Variants in SLC25A26 observed in about 807,000 individuals in gnomAD.
The protein encoded by SLC25A26 is mitochondrial S-adenosylmethionine carrier protein.
SLC25A26 carries 36 observed loss-of-function variants against 37.8 expected under a neutral mutation model. The observed-to-expected ratio is 0.95, with a 90% CI of 0.73 to 1.26. The LOEUF (loss-of-function observed/expected upper bound fraction) is 1.26. Ranked by LOEUF, SLC25A26 falls within the 50% of genes most tolerant of loss-of-function variation. SLC25A26 has a pLI of 0.00. For synonymous variants in SLC25A26, 129 were observed against 122.5 expected (o/e 1.05, Z -0.35); for missense variants, 390 against 331.1 (o/e 1.18, Z -1.38).
chr3:66,340,921 A>G (rs1156894394), intron 5 of SLC25A26, among the ~76,000 whole-genome samples: 2 of 151,902 alleles, frequency 1.3e-5, no homozygotes, highest in African/African-American at 4.8e-5. Context: ...ATTTGCTGCT[A>G]CTATTTAGAA....
At chr3:66,312,949 A>G (rs2075425538) in intron 5 of SLC25A26, among the ~76,000 whole-genome samples, 1 of 152,140 alleles carries the variant, frequency 6.6e-6, no homozygotes. Context: ...CTATTCAGCC[A>G]TCTTGCCAGA....
chr3:66,367,701 CAG>C (rs567876732), intron 7 of SLC25A26, among the ~76,000 whole-genome samples: 14,259 of 148,778 alleles, frequency 0.096, 2,069 homozygotes, highest in African/African-American at 0.33. Flanking sequence ...GACAGACAGA[CAG>C]ACACAGAGAG....
At chr3:66,302,002 A>G (rs1296063540) in intron 5 of SLC25A26, among the ~76,000 whole-genome samples, 1 of 152,200 alleles carries the variant, frequency 6.6e-6, no homozygotes, top group South Asian at 2.1e-4. Flanking sequence ...TGCCTGAAAT[A>G]CAGTCCTATA....
intron 5 of SLC25A26, among the ~76,000 whole-genome samples, chr3:66,298,604 A>G (rs1320104552): frequency 1.3e-5 from 2 of 152,232 alleles, no homozygotes; most frequent in Non-Finnish European, 2.9e-5. Flanking sequence ...GGGGCACAGC[A>G]GCCTCTGCTG....
At chr3:66,237,633 C>T (rs1295642858) in intron 2 of SLC25A26, among the ~76,000 whole-genome samples, 1 of 152,220 alleles carries the variant, frequency 6.6e-6, no homozygotes, top group Admixed American at 6.5e-5. Context: ...GACGCTCTTA[C>T]TCTTTAGTCA....
intron 1 of SLC25A26, among the ~76,000 whole-genome samples, chr3:66,173,678 G>A (rs941474575): frequency 6.6e-6 from 1 of 152,170 alleles, no homozygotes; most frequent in Non-Finnish European, 1.5e-5. Flanking sequence ...GGTTAAAATG[G>A]AGTGAGTTTT....
In SLC25A26 at chr3:66,278,604, C is replaced by T. The variant is rs185803121; in HGVS notation, c.453+15225C>T. Among the ~76,000 whole-genome samples, 24 of 152,186 alleles carry T rather than the reference C, an allele frequency of 1.6e-4. No individual in the cohort carries two copies. The East Asian group carries it at 3.7e-3, about 23-fold the overall frequency. ...ATTAAGCTCACATTATGTTCTTCCCCAACCCTGTCTCATCCTAGCATTCCA... is the reference window on the plus strand; with the variant it reads ...ATTAAGCTCACATTATGTTCTTCCCTAACCCTGTCTCATCCTAGCATTCCA... On this transcript the variant is annotated intron_variant, in intron 5 of 9. Coordinates refer to ENST00000354883, the MANE Select transcript of SLC25A26 (RefSeq NM_001379210.1).
chr3:66,248,799 C>A (rs782774071), intron 3 of SLC25A26, among the ~76,000 whole-genome samples: 30 of 152,182 alleles, frequency 2.0e-4, no homozygotes, highest in Non-Finnish European at 3.8e-4. Context: ...AACAGTACTT[C>A]CCCAAGAAGG....
intron 6 of SLC25A26, among the ~76,000 whole-genome samples, chr3:66,359,892 A>G (rs1029070591): frequency 2.0e-5 from 3 of 152,226 alleles, no homozygotes; most frequent in African/African-American, 7.2e-5. Context: ...TTTCACAAGT[A>G]AGGTGATAAA....
At chr3:66,350,685 C>A (rs1236893178) in intron 6 of SLC25A26, among the ~76,000 whole-genome samples, 2 of 141,940 alleles carry the variant, frequency 1.4e-5, no homozygotes, top group Non-Finnish European at 3.0e-5. Context: ...AGCTTCTGCC[C>A]TATACTCTGT....
At chr3:66,345,435 T>A (rs1247580677) in intron 5 of SLC25A26, among the ~76,000 whole-genome samples, 1 of 151,720 alleles carries the variant, frequency 6.6e-6, no homozygotes, top group Non-Finnish European at 1.5e-5. Flanking sequence ...CTCCCTCCTC[T>A]TTTCTCCCTC....
intron 1 of SLC25A26, among the ~76,000 whole-genome samples, chr3:66,142,755 T>G (rs1324673064): frequency 6.6e-6 from 1 of 152,152 alleles, no homozygotes; most frequent in Non-Finnish European, 1.5e-5. Flanking sequence ...TGCTATTCTC[T>G]TGTTAAGCTG....
chr3:66,349,246 C>A (rs1453455228), intron 6 of SLC25A26, among the ~76,000 whole-genome samples: 3 of 151,932 alleles, frequency 2.0e-5, no homozygotes, highest in African/African-American at 7.3e-5. Context: ...CAAGTCGTTT[C>A]TTGAGGAACG....
At chr3:66,362,987 T>TTAAC in intron 7 of SLC25A26, 58 bp downstream of exon 7, 1 of 1,172,550 alleles carries the variant, frequency 8.5e-7, no homozygotes. Context: ...TGTGAAAATA[T>TTAAC]TAACTATGCA....
intron 5 of SLC25A26, among the ~76,000 whole-genome samples, chr3:66,268,703 C>T (rs1231207568): frequency 6.6e-6 from 1 of 152,124 alleles, no homozygotes; most frequent in Non-Finnish European, 1.5e-5. Context: ...CTCTGTGTCC[C>T]CACCTAAATC....
chr3:66,302,705 C>T (rs1230705880), intron 5 of SLC25A26, among the ~76,000 whole-genome samples: 1 of 152,142 alleles, frequency 6.6e-6, no homozygotes, highest in Non-Finnish European at 1.5e-5. Flanking sequence ...TCAGAAGCAA[C>T]ATTGAGCTGG....
intron 5 of SLC25A26, among the ~76,000 whole-genome samples, chr3:66,313,736 T>C (rs1378625045): frequency 6.6e-6 from 1 of 152,256 alleles, no homozygotes; most frequent in Admixed American, 6.5e-5. Flanking sequence ...GTAATACTGA[T>C]TCTTCCTATC....
intron 1 of SLC25A26, among the ~76,000 whole-genome samples, chr3:66,137,819 C>A (rs1315072189): frequency 6.6e-6 from 1 of 152,012 alleles, no homozygotes; most frequent in Admixed American, 6.6e-5. Context: ...AGTATAGTCA[C>A]ATGAACATTT....
At chr3:66,354,947 C>G (rs913207538) in intron 6 of SLC25A26, among the ~76,000 whole-genome samples, 5 of 152,180 alleles carry the variant, frequency 3.3e-5, no homozygotes, top group Non-Finnish European at 4.4e-5. Context: ...AACTGTAAGT[C>G]CAATTAAACC....
Sources: gnomAD v4.1 joint callset for allele counts (sites outside exome capture counted in the v4.1 genomes callset) on GRCh38, gnomAD v4.1.1 for gene constraint, MANE v1.5 for transcripts, NCBI Gene and HGNC (gene_info 2026-07-23, HGNC 2026-07-21) for gene names.